Variants in PLEKHG7 observed in about 807,000 individuals in gnomAD.
PLEKHG7 encodes pleckstrin homology and RhoGEF domain containing G7.
Under a neutral mutation model 85.2 loss-of-function variants are expected in PLEKHG7, and 77 were observed. The observed-to-expected ratio is 0.90, with a 90% CI of 0.75 to 1.09. The LOEUF is 1.09. Ranked by LOEUF, PLEKHG7 falls within the 50% of genes least tolerant of loss-of-function variation. The pLI, the probability that PLEKHG7 is intolerant of heterozygous loss-of-function variation, is 0.00. For missense variants in PLEKHG7, 777 were observed against 804.3 expected (o/e 0.97, Z 0.41); for synonymous variants, 301 against 302.4 (o/e 1.00, Z 0.05).
chr12:92,769,157 G>T (rs1873318906), intron 16 of PLEKHG7, 77 bp downstream of exon 16: 1 of 1,129,870 alleles, frequency 8.9e-7, no homozygotes, highest in African/African-American at 1.6e-5. Context: ...AAGTAACAGT[G>T]AATGGAAAGT....
Position 92,772,259 on chromosome 12 carries a change from AT to A in PLEKHG7, c.*2070del, listed in dbSNP as rs911603925. 3 of 152,006 alleles carry A rather than the reference AT, an allele frequency of 2.0e-5. No individual in the cohort carries two copies. Among genetic ancestry groups the A allele is most frequent in the Admixed American group, 6.6e-5 (1 of 15,242 alleles). 9.4% of individuals were successfully genotyped at this position (152,006 alleles called of 1,614,324 possible). ...CAATGAAATAAGGGGTTAATTACATATTTTTTATATTTGTTTTTAGTTTTGT... is the reference window on the plus strand; with the variant it reads ...CAATGAAATAAGGGGTTAATTACATATTTTTATATTTGTTTTTAGTTTTGT... On this transcript the variant is annotated 3_prime_UTR_variant, in exon 17 of 17. Transcript: ENST00000344636.
At chr12:92,713,377 T>C (rs1871401853) in intron 3 of PLEKHG7, among the ~76,000 whole-genome samples, 1 of 152,216 alleles carries the variant, frequency 6.6e-6, no homozygotes, top group African/African-American at 2.4e-5. Flanking sequence ...AGGAACACTG[T>C]AATTAATTAG....
At chr12:92,768,644 A>G (rs1873292181) in intron 15 of PLEKHG7, among the ~76,000 whole-genome samples, 1 of 152,272 alleles carries the variant, frequency 6.6e-6, no homozygotes, top group Non-Finnish European at 1.5e-5. Flanking sequence ...TTTATTATCT[A>G]TATTTTCATA....
chr12:92,707,707 A>G (rs377517853), intron 3 of PLEKHG7, 35 bp downstream of exon 3: 13 of 1,613,664 alleles, frequency 8.1e-6, no homozygotes, highest in Admixed American at 1.7e-5. Flanking sequence ...GTGCTATGAC[A>G]TCTGTTGACT....
rs570627350 is a variant in PLEKHG7 at position 92,756,165 on chromosome 12, A to T, written c.1543-133A>T. The T allele has an allele frequency of 2.3e-5, 17 of 738,792 alleles. No individual in the cohort carries two copies. The East Asian group carries it at 3.2e-4, about 14-fold the overall frequency. 45.8% of individuals were successfully genotyped at this position (738,792 alleles called of 1,614,324 possible). A position where few individuals can be genotyped will look rare whatever the true frequency, so the allele number is the denominator to read the frequency against. ...CTGAGAGGGTTTTTCATTGTTTCCC[A>T]TTCCCATGTCCATCTGCTGGCATTT... is the stretch of plus-strand genomic sequence containing the variant. On this transcript the variant is annotated intron_variant, in intron 12 of 16. Coordinates refer to ENST00000344636, the MANE Select transcript of PLEKHG7 (RefSeq NM_001377329.1).
At chr12:92,730,782 T>G (rs1871968443) in intron 4 of PLEKHG7, among the ~76,000 whole-genome samples, 1 of 152,218 alleles carries the variant, frequency 6.6e-6, no homozygotes, top group Non-Finnish European at 1.5e-5. Flanking sequence ...GAGAACCACA[T>G]GCTAAGGAAC....
At chr12:92,750,969 A>T (rs895389200) in intron 10 of PLEKHG7, among the ~76,000 whole-genome samples, 6 of 152,164 alleles carry the variant, frequency 3.9e-5, no homozygotes, top group Non-Finnish European at 8.8e-5. Context: ...AATAAAAATA[A>T]AACAGTTGGA....
At position 92,736,571 on chromosome 12, in the gene PLEKHG7, T is replaced by A; in HGVS notation, c.789T>A (p.Gly263=). 1.6e-6 allele frequency: 2 copies of A among 1,224,710 alleles called. No individual in the cohort carries two copies. Among genetic ancestry groups the A allele is most frequent in the Non-Finnish European group, 2.0e-6 (2 of 981,220 alleles). 75.9% of individuals were successfully genotyped at this position (1,224,710 alleles called of 1,614,324 possible). Reference sequence around the variant, plus strand: ...GCTTCAGGGGCTATGACTTCTACGGTCTTAAGGTATCTTTCAAACTGTTAA... The same window carrying A: ...GCTTCAGGGGCTATGACTTCTACGGACTTAAGGTATCTTTCAAACTGTTAA... ...ITSFRGYDFY[G]LKDKTWDEVL... is the part of the protein sequence containing the mutation. Residue 263 remains glycine, a synonymous_variant, in exon 6 of 17, where the codon GGT becomes GGA. Coordinates refer to ENST00000344636, the MANE Select transcript of PLEKHG7 (RefSeq NM_001377329.1).
At chr12:92,743,417 C>T (rs774422634) in intron 9 of PLEKHG7, among the ~76,000 whole-genome samples, 11 of 152,172 alleles carry the variant, frequency 7.2e-5, no homozygotes, top group Non-Finnish European at 1.5e-4. Flanking sequence ...AAGATAGGGA[C>T]GTCTTGTTAT....
chr12:92,739,118 A>G (rs773737372), intron 7 of PLEKHG7, among the ~76,000 whole-genome samples: 2 of 152,224 alleles, frequency 1.3e-5, no homozygotes, highest in Non-Finnish European at 2.9e-5. Context: ...GCCACATCCT[A>G]TGGCTGGCTT....
chr12:92,715,849 GTGGCTGTTTCAACATTGTAA>G (rs1871471281), intron 3 of PLEKHG7, among the ~76,000 whole-genome samples: 1 of 151,772 alleles, frequency 6.6e-6, no homozygotes, highest in Non-Finnish European at 1.5e-5. Flanking sequence ...TGCATTGCCT[GTGGCTGTTTCAACATTGTAA>G]TGGCAGAATT....
intron 7 of PLEKHG7, among the ~76,000 whole-genome samples, chr12:92,740,599 A>G (rs889753442): frequency 6.6e-6 from 1 of 152,200 alleles, no homozygotes; most frequent in African/African-American, 2.4e-5. Context: ...TGGACAGATT[A>G]TGTTCAATAG....
chr12:92,719,715 G>A (rs1056206222), intron 3 of PLEKHG7, among the ~76,000 whole-genome samples: 4 of 152,190 alleles, frequency 2.6e-5, no homozygotes, highest in Non-Finnish European at 5.9e-5. Context: ...AAGGCTAGGA[G>A]TCCTTGGCTT....
At position 92,741,524 on chromosome 12, in the gene PLEKHG7, A is replaced by G. The variant is rs767785020; in HGVS notation, c.1069A>G (p.Ile357Val). The stretch of plus-strand genomic sequence containing the variant: ...TGGTTTTGTGAACAGTCTCTTTGGC[A>G]TCATCAAGGACTATGTAGACGCTTC... Reference protein sequence around the residue: ...SLGFVNSLFGIIKDYVDASEI... With the variant: ...SLGFVNSLFGVIKDYVDASEI... Residue 357 changes from isoleucine (I) to valine (V), a missense_variant, in exon 9 of 17, where the codon ATC becomes GTC. Ile to Val is a conservative substitution (Grantham distance 29). Coordinates refer to ENST00000344636, the MANE Select transcript of PLEKHG7 (RefSeq NM_001377329.1). 8.1e-6 allele frequency: 13 copies of G among 1,612,928 alleles called. No homozygotes were observed. The highest frequency in any genetic ancestry group is 1.1e-5 in the Non-Finnish European group (13 of 1,179,570).
chr12:92,727,183 C>T (rs896505066), intron 3 of PLEKHG7, among the ~76,000 whole-genome samples: 6 of 152,190 alleles, frequency 3.9e-5, no homozygotes, highest in Non-Finnish European at 8.8e-5. Context: ...GCAGGCAGCT[C>T]GCAGCCATTC....
Position 92,771,037 on chromosome 12 carries a change from C to G in PLEKHG7, c.*842C>G, listed in dbSNP as rs1419582660. The G allele has an allele frequency of 6.7e-6, 1 of 149,378 alleles. No individual in the cohort carries two copies. Among genetic ancestry groups the G allele is most frequent in the East Asian group, 2.0e-4 (1 of 5,028 alleles). The allele number at this position is 149,378 out of a possible 1,614,324, so 9.3% of individuals were successfully genotyped here. A position where few individuals can be genotyped will look rare whatever the true frequency, so the allele number is the denominator to read the frequency against. On this transcript the variant is annotated 3_prime_UTR_variant, in exon 17 of 17. Coordinates refer to ENST00000344636, the MANE Select transcript of PLEKHG7 (RefSeq NM_001377329.1). ...TGTGTGTGTGTTAGCACAGTACAGTCACTTAATTTTATTTGGCAGGACTTC... is the reference window on the plus strand; with the variant it reads ...TGTGTGTGTGTTAGCACAGTACAGTGACTTAATTTTATTTGGCAGGACTTC...
Position 92,706,941 on chromosome 12 carries a change from C to G in PLEKHG7, c.310C>G (p.Leu104Val). 1 of 1,614,196 alleles carries G rather than the reference C, an allele frequency of 6.2e-7. No individual in the cohort carries two copies. The highest frequency in any genetic ancestry group is 8.5e-7 in the Non-Finnish European group (1 of 1,180,034). ...TTCACACTTGCTGTCACCCTTGAGA[C>G]TCCACTCAAGATTGACCTCTGAACC... ...DSSHLLSPLR[L>V]HSRLTSEPER... Residue 104 changes from leucine (L) to valine (V), a missense_variant, in exon 2 of 17, where the codon CTC (leucine) becomes GTC (valine). This residue lies in a region of PLEKHG7 where 252 missense variants were observed against 241.9 expected (regional missense o/e 1.04). Coordinates refer to ENST00000344636, the MANE Select transcript of PLEKHG7 (RefSeq NM_001377329.1).
intron 7 of PLEKHG7, among the ~76,000 whole-genome samples, chr12:92,737,787 G>A (rs766945132): frequency 7.0e-4 from 107 of 151,826 alleles, no homozygotes; most frequent in Non-Finnish European, 1.3e-3. Context: ...GAGAGGGAAC[G>A]GGAGGCCAGG....
At chr12:92,725,785 T>C (rs906822405) in intron 3 of PLEKHG7, among the ~76,000 whole-genome samples, 6 of 152,184 alleles carry the variant, frequency 3.9e-5, no homozygotes, top group African/African-American at 1.4e-4. Flanking sequence ...AAAAAAATTT[T>C]GGCAAAGGCT....
Sources: gnomAD v4.1 joint callset for allele counts (sites outside exome capture counted in the v4.1 genomes callset) on GRCh38, gnomAD v4.1.1 for gene constraint, gnomAD v4.1.1 regional missense constraint, MANE v1.5 for transcripts, NCBI Gene and HGNC (gene_info 2026-07-23, HGNC 2026-07-21) for gene names.